The following ARSD variants were observed in gnomAD, a reference collection of about 807,000 sequenced individuals.
ARSD encodes testis tissue sperm-binding protein Li 39a.
In ARSD, 21 loss-of-function variants were observed where a neutral mutation model predicts 32.6. The ratio of observed to expected loss-of-function variants is 0.64; its 90% CI spans 0.46 to 0.93. The LOEUF (loss-of-function observed/expected upper bound fraction) is 0.93. Ranked by LOEUF, ARSD falls within the 40% of genes least tolerant of loss-of-function variation. The pLI is 0.00. For missense variants in ARSD, 454 were observed against 520.9 expected (o/e 0.87, Z 1.25); for synonymous variants, 224 against 237.4 (o/e 0.94, Z 0.52).
At position 2,908,739 on chromosome X, in the gene ARSD, G is replaced by A. The variant is rs376775421; in HGVS notation, c.1402C>T (p.Arg468Cys). The change falls in exon 9 of 10, where the codon CGC (arginine) becomes TGC (cysteine). Residue 468 changes from arginine to cysteine, a missense_variant. By Grantham distance (180) the Arg-to-Cys change is radical. Around this residue, in one of 3 missense-constraint regions of ARSD, gnomAD observed 179 missense variants for 198.5 expected, o/e 0.90. Transcript: ENST00000381154. ...TACTCACTGTCCTTCTGGTGCCAGC[G>A]TGCTGCGTGAAGATGCTGCCCACAG... The part of the protein sequence containing the change: ...HYCGQHLHAA[R>C]WHQKDSGSVW... 2.2e-5 allele frequency: 26 copies of A among 1,198,964 alleles called. No homozygotes were observed. In the East Asian group the frequency reaches 3.9e-4, roughly 18 times the overall value.
intron 6 of ARSD, 133 bp from the exon 7 acceptor site, chrX:2,910,926 C>T (rs1374776482): frequency 1.1e-5 from 8 of 745,017 alleles, no homozygotes; most frequent in Middle Eastern, 4.9e-4. Context: ...ACTCGGAGGC[C>T]GTGGTTACAA....
At chrX:2,921,368 TTATC>T (rs1014094186) in intron 3 of ARSD, among the ~76,000 whole-genome samples, 4 of 112,072 alleles carry the variant, frequency 3.6e-5, no homozygotes, top group Middle Eastern at 4.6e-3. Flanking sequence ...TCTATCATCA[TTATC>T]TATCATCTAT....
rs776777408 is a variant in ARSD, at chrX:2,922,213, ATCTC to A, written c.195-193_195-190del. ...TGGTGTTGATGTTGAGATGGATGAC[ATCTC>A]TCTCTCTCTCTCTCTCTCTCACACA... On this transcript the variant is annotated intron_variant, in intron 2 of 9. Coordinates refer to ENST00000381154, the MANE Select transcript of ARSD (RefSeq NM_001669.4). Among the ~76,000 whole-genome samples, 25 of 105,753 alleles carry A rather than the reference ATCTC, an allele frequency of 2.4e-4. No homozygotes were observed. The South Asian group carries it at 3.7e-3, about 16-fold the overall frequency. 91.8% of individuals were successfully genotyped at this position (105,753 alleles called of 115,157 possible). A position where few individuals can be genotyped will look rare whatever the true frequency, so the allele number is the denominator to read the frequency against.
intron 1 of ARSD, 85 bp from the exon 2 acceptor site, chrX:2,925,850 G>A (rs2147331564): frequency 3.1e-6 from 3 of 963,518 alleles, no homozygotes; most frequent in Middle Eastern, 2.6e-4. Flanking sequence ...CTGGGAAGGC[G>A]AAGGTCTTAC....
chrX:2,919,222 T>TCC (rs10624089), intron 4 of ARSD, among the ~76,000 whole-genome samples: 1 of 95,137 alleles, frequency 1.1e-5, no homozygotes, highest in Non-Finnish European at 2.1e-5. Context: ...ATGGTTGTCC[T>TCC]TTAGAAAACC....
At chrX:2,910,512 A>G in intron 7 of ARSD, 147 bp downstream of exon 7, 13 of 810,459 alleles carry the variant, frequency 1.6e-5, no homozygotes, top group Non-Finnish European at 2.4e-5. Flanking sequence ...TGTCCTGCTC[A>G]TCTAGGTAGA....
Position 2,909,972 on chromosome X carries a change from C to G in ARSD, c.1143G>C (p.Lys381Asn). Residue 381 changes from lysine to asparagine, a missense_variant, in exon 8 of 10, where the codon AAG (lysine) becomes AAC (asparagine). Physicochemically the swap from Lys to Asn is moderately conservative, Grantham distance 94. Around this residue, in one of 3 missense-constraint regions of ARSD, gnomAD observed 179 missense variants for 198.5 expected, o/e 0.90. Transcript: ENST00000381154. The stretch of plus-strand genomic sequence containing the variant: ...TCCCACCTTCCCATCCTCCCATGCC[C>G]TTCCCACCTGTAAGTAGAAGACATC... The part of the protein sequence containing the change: ...GGWNGIYKGG[K>N]GMGGWEGGIR... 1 of 1,211,077 alleles carries G rather than the reference C, an allele frequency of 8.3e-7. No homozygotes were observed. The highest frequency in any genetic ancestry group is 1.1e-6 in the Non-Finnish European group (1 of 895,319).
rs2088854671 is a variant in ARSD, at chrX:2,906,761, G to A, written c.*510C>T. ...TGACGAACCCTGAGATTTAGAAGAG[G>A]AAGAGGAGGCATCAGTGGGTGCCTA... On this transcript the variant is annotated 3_prime_UTR_variant, in exon 10 of 10. Coordinates refer to ENST00000381154, the MANE Select transcript of ARSD (RefSeq NM_001669.4). The A allele has an allele frequency of 8.8e-6, 1 of 113,140 alleles. No individual in the cohort carries two copies. Among genetic ancestry groups the A allele is most frequent in the Admixed American group, 9.3e-5 (1 of 10,798 alleles). 9.3% of individuals were successfully genotyped at this position (113,140 alleles called of 1,213,427 possible). A position where few individuals can be genotyped will look rare whatever the true frequency, so the allele number is the denominator to read the frequency against.
chrX:2,914,549 A>G, intron 6 of ARSD: 1 of 968,482 alleles, frequency 1.0e-6, no homozygotes, highest in Non-Finnish European at 1.3e-6. Context: ...CTGAAAATGC[A>G]GACTTTTAAG....
In ARSD at chrX:2,911,696, A is replaced by C. The variant is rs766449289; in HGVS notation, c.1001-903T>G. Among the ~76,000 whole-genome samples the C allele has an allele frequency of 3.4e-4, 37 of 107,330 alleles. No homozygotes were observed. The South Asian group carries it at 7.5e-3, about 22-fold the overall frequency. The allele number at this position is 107,330 out of a possible 115,157, so 93.2% of individuals were successfully genotyped here. On this transcript the variant is annotated intron_variant, in intron 6 of 9. Coordinates refer to ENST00000381154, the MANE Select transcript of ARSD (RefSeq NM_001669.4). ...AAAAAAAAAAAAAAAGAAAAAAAAA[A>C]CCAAAAGAAACAAAAAACAAAAACA...
chrX:2,914,095 A>G (rs2088928035), intron 6 of ARSD: 2 of 721,386 alleles, frequency 2.8e-6, no homozygotes, highest in Middle Eastern at 8.0e-4. Context: ...TTTATAAATT[A>G]CCCAGTCTCA....
intron 2 of ARSD, among the ~76,000 whole-genome samples, chrX:2,923,795 T>A (rs1435633413): frequency 8.9e-6 from 1 of 112,430 alleles, no homozygotes; most frequent in Non-Finnish European, 1.9e-5. Flanking sequence ...GACTTCGACG[T>A]AGGCGTTTAG....
chrX:2,925,214 C>T lies in ARSD; in HGVS notation c.194+402G>A, dbSNP rs759929562. Among the ~76,000 whole-genome samples, 9 of 111,564 alleles carry T rather than the reference C, an allele frequency of 8.1e-5. No homozygotes were observed. In the East Asian group the frequency reaches 8.6e-4, roughly 11 times the overall value. Reference sequence around the variant, plus strand: ...TAGGATGAGGAGATTAGGACACAGACGCAGAGGAGAAGGCCCCGTGGAGAC... The same window carrying T: ...TAGGATGAGGAGATTAGGACACAGATGCAGAGGAGAAGGCCCCGTGGAGAC... On this transcript the variant is annotated intron_variant, in intron 2 of 9. Transcript: ENST00000381154.
At position 2,918,212 on chromosome X, in the gene ARSD, C is replaced by T; in HGVS notation, c.455G>A (p.Gly152Asp). 1 of 1,158,161 alleles carries T rather than the reference C, an allele frequency of 8.6e-7. No individual in the cohort carries two copies. Among genetic ancestry groups the T allele is most frequent in the East Asian group, 3.0e-5 (1 of 32,990 alleles). ...ATCCCCGCGGGATGCACAATTCACACCCTGGTGCCATTTTCCTAAAAGAAA... is the reference window on the plus strand; with the variant it reads ...ATCCCCGCGGGATGCACAATTCACATCCTGGTGCCATTTTCCTAAAAGAAA... ...ATGLIGKWHQ[G>D]VNCASRGDHC... is the part of the protein sequence containing the mutation. The change falls in exon 5 of 10, where the codon GGT (glycine) becomes GAT (aspartate). Residue 152 changes from glycine (G) to aspartate (D), a missense_variant. Transcript: ENST00000381154.
At position 2,920,626 on chromosome X, in the gene ARSD, C is replaced by T. The variant is rs1190128435; in HGVS notation, c.414G>A (p.Gln138=). The part of the protein sequence containing the change: ...NETTFARILQ[Q]HGYATGLIGK... Reference sequence around the variant, plus strand: ...CTATGAGGCCGGTTGCATAGCCATGCTGCTGCAAGATTCTTGCAAAAGTGG... The same window carrying T: ...CTATGAGGCCGGTTGCATAGCCATGTTGCTGCAAGATTCTTGCAAAAGTGG... The change falls in exon 4 of 10, where the codon CAG becomes CAA. Residue 138 remains glutamine, a synonymous_variant. Coordinates refer to ENST00000381154, the MANE Select transcript of ARSD (RefSeq NM_001669.4). 1.2e-5 allele frequency: 14 copies of T among 1,210,255 alleles called. No homozygotes were observed. The African/African-American group carries it at 1.4e-4, about 12-fold the overall frequency.
At chrX:2,922,302 G>A (rs905547556) in intron 2 of ARSD, among the ~76,000 whole-genome samples, 2 of 110,562 alleles carry the variant, frequency 1.8e-5, no homozygotes, top group African/African-American at 6.6e-5. Flanking sequence ...GCTTTCTGGG[G>A]AGAGCAGGGC....
intron 6 of ARSD, among the ~76,000 whole-genome samples, chrX:2,912,672 G>GTGCCAA (rs1391339324): frequency 9.0e-6 from 1 of 111,539 alleles, no homozygotes; most frequent in Admixed American, 9.6e-5. Context: ...TTTAAACATA[G>GTGCCAA]TGCCGTGTGT....
intron 2 of ARSD, among the ~76,000 whole-genome samples, chrX:2,922,842 C>CAAAAAAAAAAAAAAA (rs60380048): frequency 5.9e-4 from 26 of 43,707 alleles, no homozygotes; most frequent in Non-Finnish European, 7.9e-4. Flanking sequence ...GACCGTGTCT[C>CAAAAAAAAAAAAAAA]AAAAAAAAAA....
At chrX:2,925,904 G>T in intron 1 of ARSD, 139 bp from the exon 2 acceptor site, 1 of 629,220 alleles carries the variant, frequency 1.6e-6, no homozygotes, top group Non-Finnish European at 2.4e-6. Flanking sequence ...TATTGTCTTG[G>T]CCTGAATTCC....
Sources: allele counts gnomAD v4.1 joint callset (sites outside exome capture counted in the v4.1 genomes callset), GRCh38; gene constraint gnomAD v4.1.1; regional missense constraint gnomAD v4.1.1; transcripts MANE v1.5; gene names NCBI Gene and HGNC (gene_info 2026-07-23, HGNC 2026-07-21).